Variants in MAP2K4 observed in about 807,000 individuals in gnomAD.
MAP2K4 encodes the protein mitogen-activated protein kinase kinase 4, also known as dual specificity mitogen-activated protein kinase kinase 4.
In MAP2K4, 4 loss-of-function variants were observed where a neutral mutation model predicts 48.5. The observed-to-expected ratio is 0.08, with a 90% CI of 0.04 to 0.19. MAP2K4 has a LOEUF of 0.19. Ranked by LOEUF, MAP2K4 falls within the 10% of genes least tolerant of loss-of-function variation. The pLI, the probability that MAP2K4 is intolerant of heterozygous loss-of-function variation, is 1.00. For missense variants in MAP2K4, 258 were observed against 493.3 expected (o/e 0.52, Z 4.52); for synonymous variants, 166 against 173.1 (o/e 0.96, Z 0.32).
At chr17:12,112,990 TTAA>T (rs1232625007) in intron 6 of MAP2K4, 2 of 306,654 alleles carry the variant, frequency 6.5e-6, no homozygotes, top group East Asian at 4.9e-5. Flanking sequence ...ATCTTACAGA[TTAA>T]TGTTTGTGAA....
In MAP2K4 at chr17:12,065,303, G is replaced by GTT. The variant is rs35418495; in HGVS notation, c.218+10324_218+10325dup. The stretch of plus-strand genomic sequence containing the variant: ...ATTATTATTATTATTGGTGTTTGTT[G>GTT]TTTTTTTTTTTTTGAGACAGAGTCT... On this transcript the variant is annotated intron_variant, in intron 2 of 10. Coordinates refer to ENST00000353533, the MANE Select transcript of MAP2K4 (RefSeq NM_003010.4). Among the ~76,000 whole-genome samples, 94 of 120,900 alleles carry GTT rather than the reference G, an allele frequency of 7.8e-4. 1 individual carries two copies. Among genetic ancestry groups the GTT allele is most frequent in the Middle Eastern group, 4.0e-3 (1 of 248 alleles). 79.3% of individuals were successfully genotyped at this position (120,900 alleles called of 152,430 possible).
intron 4 of MAP2K4, among the ~76,000 whole-genome samples, chr17:12,102,862 G>A (rs1245443008): frequency 2.0e-5 from 3 of 151,638 alleles, no homozygotes; most frequent in African/African-American, 7.3e-5. Flanking sequence ...AGAGTCTGTA[G>A]TGTGTTACTT....
chr17:12,033,982 A>T (rs746822407), intron 1 of MAP2K4, among the ~76,000 whole-genome samples: 14 of 152,024 alleles, frequency 9.2e-5, no homozygotes. Flanking sequence ...GTAGAAATGG[A>T]ATCTTGCTAT....
At chr17:12,037,839 A>G (rs1037999603) in intron 1 of MAP2K4, among the ~76,000 whole-genome samples, 2 of 152,120 alleles carry the variant, frequency 1.3e-5, no homozygotes, top group Non-Finnish European at 2.9e-5. Context: ...GGATTCACCT[A>G]TTCCTCTCAT....
At chr17:12,053,586 A>G (rs1457887048) in intron 1 of MAP2K4, among the ~76,000 whole-genome samples, 1 of 151,440 alleles carries the variant, frequency 6.6e-6, no homozygotes, top group Non-Finnish European at 1.5e-5. Flanking sequence ...TATGTTTCCT[A>G]GTGTACCCTT....
chr17:12,097,988 A>G (rs1261993163), intron 4 of MAP2K4, among the ~76,000 whole-genome samples: 2 of 152,232 alleles, frequency 1.3e-5, no homozygotes, highest in Non-Finnish European at 2.9e-5. Context: ...TGCAGTCTGT[A>G]ATAGGTACTT....
chr17:12,088,359 A>G (rs930338013), intron 3 of MAP2K4, among the ~76,000 whole-genome samples: 6 of 148,786 alleles, frequency 4.0e-5, no homozygotes, highest in Non-Finnish European at 8.9e-5. Flanking sequence ...TGGTGTTTGT[A>G]GATCACAGAA....
At chr17:12,026,794 C>G (rs1003671437) in intron 1 of MAP2K4, 3 of 152,192 alleles carry the variant, frequency 2.0e-5, no homozygotes, top group Non-Finnish European at 2.9e-5. Flanking sequence ...AAGCAACCAG[C>G]CACCTTTTGA....
chr17:12,091,581 A>G (rs1420327135), intron 3 of MAP2K4, among the ~76,000 whole-genome samples: 1 of 152,180 alleles, frequency 6.6e-6, no homozygotes, highest in Admixed American at 6.5e-5. Flanking sequence ...TAATTGGACA[A>G]GAACCATGCA....
intron 1 of MAP2K4, 102 bp from the exon 2 acceptor site, chr17:12,054,787 A>T: frequency 1.5e-6 from 1 of 655,206 alleles, no homozygotes; most frequent in East Asian, 2.7e-5. Context: ...ACTGTTTGTT[A>T]AAGCAAGTTC....
chr17:12,073,318 AAGTGT>A (rs1970880439), intron 2 of MAP2K4, among the ~76,000 whole-genome samples: 1 of 152,198 alleles, frequency 6.6e-6, no homozygotes, highest in Non-Finnish European at 1.5e-5. Flanking sequence ...ATTATGAGTG[AAGTGT>A]ACTAGGTGGA....
chr17:12,095,479 C>A lies in MAP2K4; in HGVS notation c.394-96C>A, dbSNP rs143626264. Reference sequence around the variant, plus strand: ...TTTGTGAAGTTTGGTAATTTTTAGTCTCGTAACGGTTTTTCTCTACCATGA... The same window carrying A: ...TTTGTGAAGTTTGGTAATTTTTAGTATCGTAACGGTTTTTCTCTACCATGA... On this transcript the variant is annotated intron_variant, in intron 3 of 10. Coordinates refer to ENST00000353533, the MANE Select transcript of MAP2K4 (RefSeq NM_003010.4). 111 of 1,362,448 alleles carry A rather than the reference C, an allele frequency of 8.1e-5. 2 individuals are homozygous for A. In the African/African-American group the frequency reaches 1.4e-3, roughly 17 times the overall value. 84.4% of individuals were successfully genotyped at this position (1,362,448 alleles called of 1,614,324 possible).
chr17:12,115,247 G>T (rs1230980489), intron 7 of MAP2K4, among the ~76,000 whole-genome samples: 1 of 152,166 alleles, frequency 6.6e-6, no homozygotes, highest in African/African-American at 2.4e-5. Flanking sequence ...ATACCCTCAT[G>T]TAGGTACACA....
At chr17:12,124,843 T>C (rs1222623166) in intron 7 of MAP2K4, 1 of 158,690 alleles carries the variant, frequency 6.3e-6, no homozygotes, top group African/African-American at 2.4e-5. Context: ...GCCCAGCTAC[T>C]TTTTTGTATT....
At chr17:12,041,687 A>G (rs1969789306) in intron 1 of MAP2K4, among the ~76,000 whole-genome samples, 1 of 152,258 alleles carries the variant, frequency 6.6e-6, no homozygotes, top group African/African-American at 2.4e-5. Flanking sequence ...TGGACCCATC[A>G]GGAAATACAG....
intron 4 of MAP2K4, among the ~76,000 whole-genome samples, chr17:12,104,321 T>C (rs1972037366): frequency 6.6e-6 from 1 of 152,268 alleles, no homozygotes; most frequent in Middle Eastern, 3.4e-3. Flanking sequence ...TTTGGCTGCC[T>C]TTCTATACTT....
At chr17:12,122,307 C>G (rs1221983939) in intron 7 of MAP2K4, among the ~76,000 whole-genome samples, 1 of 152,206 alleles carries the variant, frequency 6.6e-6, no homozygotes, top group African/African-American at 2.4e-5. Flanking sequence ...CGTCCCCCTG[C>G]TGCCTGCTTT....
intron 4 of MAP2K4, among the ~76,000 whole-genome samples, chr17:12,105,307 A>G (rs537074482): frequency 1.9e-4 from 29 of 151,646 alleles, no homozygotes; most frequent in African/African-American, 6.5e-4. Flanking sequence ...ATGGTCTGCT[A>G]CTCCATTTGT....
At chr17:12,105,173 AAT>A (rs1972068032) in intron 4 of MAP2K4, among the ~76,000 whole-genome samples, 1 of 152,098 alleles carries the variant, frequency 6.6e-6, no homozygotes, top group Non-Finnish European at 1.5e-5. Context: ...GCTCTACTTT[AAT>A]ATAAGCTTTA....
Sources: allele counts gnomAD v4.1 joint callset (sites outside exome capture counted in the v4.1 genomes callset), GRCh38; gene constraint gnomAD v4.1.1; transcripts MANE v1.5; gene names NCBI Gene and HGNC (gene_info 2026-07-23, HGNC 2026-07-21).